Variants in ARHGAP39 observed in about 807,000 individuals in gnomAD.
The protein encoded by ARHGAP39 is Rho GTPase activating protein 39, also known as rho GTPase-activating protein 39.
Under a neutral mutation model 106.9 loss-of-function variants are expected in ARHGAP39, and 44 were observed. The observed-to-expected ratio is 0.41, with a 90% confidence interval of 0.32 to 0.53. The LOEUF (loss-of-function observed/expected upper bound fraction) is 0.53, where lower values mean the gene tolerates loss of function less well. Among genes scored for constraint, ARHGAP39 ranks in the 20% least tolerant of loss-of-function variants. The pLI, the probability that ARHGAP39 is intolerant of heterozygous loss-of-function variation, is 0.21. For synonymous variants in ARHGAP39, 768 were observed against 693.2 expected, an observed-to-expected ratio of 1.11 and a Z score of -1.69; for missense variants, 1,496 against 1,577.3, an observed-to-expected ratio of 0.95 and a Z score of 0.87.
intron 1 of ARHGAP39, among the ~76,000 whole-genome samples, chr8:144,618,786 G>A (rs1260192830): frequency 6.6e-6 from 1 of 152,250 alleles, no homozygotes; most frequent in Non-Finnish European, 1.5e-5. Flanking sequence ...AAGTCCTGCT[G>A]GGGCCTCCCC....
intron 1 of ARHGAP39, among the ~76,000 whole-genome samples, chr8:144,627,487 G>A (rs1250727283): frequency 1.3e-5 from 2 of 149,858 alleles, no homozygotes; most frequent in Non-Finnish European, 3.0e-5. Context: ...CCTGGGAGGC[G>A]GAGCTTGCAG....
Position 144,591,640 on chromosome 8 carries a change from G to C in ARHGAP39, c.81-10363C>G, listed in dbSNP as rs575123272. Among the ~76,000 whole-genome samples the C allele has an allele frequency of 2.0e-5, 3 of 152,326 alleles. No individual in the cohort carries two copies. Among genetic ancestry groups the C allele is most frequent in the East Asian group, 3.9e-4 (2 of 5,180 alleles). ...GCGTGCCAGAAGAGAGGCGAGGGGT[G>C]GGGGAGCAGAGGCGAGGAAGGGCAA... is the stretch of plus-strand genomic sequence containing the variant. On this transcript the variant is annotated intron_variant, in intron 2 of 11. Coordinates refer to ENST00000377307, the MANE Select transcript of ARHGAP39 (RefSeq NM_025251.3). The surrounding 1 kb of genome is among the most constrained non-coding windows in gnomAD (Gnocchi z 5.3).
intron 3 of ARHGAP39, among the ~76,000 whole-genome samples, chr8:144,571,233 A>G (rs527775058): frequency 1.3e-5 from 2 of 152,236 alleles, no homozygotes; most frequent in Non-Finnish European, 2.9e-5. Flanking sequence ...GAAAATCCTC[A>G]ATAAAATACT....
rs145153558 is a variant in ARHGAP39, at chr8:144,605,900, C to T, written c.-81-205G>A. ...GCAGCGAAGCCTGGCCAGCCCCACA[C>T]GCAGCAGGGAGGCTGTGCCCACCAG... On this transcript the variant is annotated intron_variant, in intron 1 of 11. Coordinates refer to ENST00000377307, the MANE Select transcript of ARHGAP39 (RefSeq NM_025251.3). 9.9e-4 allele frequency: 462 copies of T among 467,380 alleles called. 2 individuals are homozygous for T. Among genetic ancestry groups the T allele is most frequent in the African/African-American group, 7.9e-3 (401 of 50,890 alleles). The allele number at this position is 467,380 out of a possible 1,614,324, so 29.0% of individuals were successfully genotyped here. A position where few individuals can be genotyped will look rare whatever the true frequency, so the allele number is the denominator to read the frequency against.
the ARHGAP39 span, among the ~76,000 whole-genome samples, chr8:144,696,568 A>G: frequency 6.6e-6 from 1 of 152,250 alleles, no homozygotes; most frequent in Non-Finnish European, 1.5e-5. Flanking sequence ...ACGGTTACAA[A>G]GGATTCCGCT....
At chr8:144,575,921 A>C (rs1380393043) in intron 3 of ARHGAP39, among the ~76,000 whole-genome samples, 1 of 152,218 alleles carries the variant, frequency 6.6e-6, no homozygotes, top group Non-Finnish European at 1.5e-5. Context: ...ATAATCTATG[A>C]GACCACTCTC....
intron 1 of ARHGAP39, among the ~76,000 whole-genome samples, chr8:144,629,880 C>T (rs1033526928): frequency 6.6e-5 from 10 of 152,036 alleles, no homozygotes; most frequent in African/African-American, 2.2e-4. Flanking sequence ...GGGGCACATC[C>T]TGAGGGATGG....
intron 3 of ARHGAP39, among the ~76,000 whole-genome samples, chr8:144,560,681 G>A (rs770603685): frequency 2.8e-4 from 43 of 152,158 alleles, no homozygotes; most frequent in African/African-American, 9.4e-4. Context: ...TTATGCTCTC[G>A]AGGACCAGCG....
At chr8:144,600,619 T>C (rs530594917) in intron 2 of ARHGAP39, among the ~76,000 whole-genome samples, 4 of 144,380 alleles carry the variant, frequency 2.8e-5, no homozygotes, top group Admixed American at 2.1e-4. Flanking sequence ...GAGGCGTGCG[T>C]GCGCACTTGG....
intron 2 of ARHGAP39, among the ~76,000 whole-genome samples, chr8:144,598,753 G>A (rs1280336581): frequency 6.6e-6 from 1 of 152,214 alleles, no homozygotes; most frequent in African/African-American, 2.4e-5. Flanking sequence ...CTAAAACACA[G>A]AGGCACTGAA....
intron 1 of ARHGAP39, among the ~76,000 whole-genome samples, chr8:144,613,734 T>G (rs951662876): frequency 2.6e-5 from 4 of 152,154 alleles, no homozygotes; most frequent in African/African-American, 7.2e-5. Flanking sequence ...CTTAAGATGG[T>G]CAGATCATGT....
At chr8:144,613,426 T>C (rs1396535697) in intron 1 of ARHGAP39, among the ~76,000 whole-genome samples, 4 of 152,202 alleles carry the variant, frequency 2.6e-5, no homozygotes, top group African/African-American at 9.6e-5. Flanking sequence ...CTGTTGTGTG[T>C]TTGGAAACAT....
chr8:144,679,664 C>A lies in ARHGAP39; in HGVS notation c.-82+6022G>T, dbSNP rs1007535815. 1.3e-5 allele frequency among the ~76,000 whole-genome samples: 2 copies of A among 152,196 alleles called. No homozygotes were observed. Among genetic ancestry groups the A allele is most frequent in the Admixed American group, 1.3e-4 (2 of 15,282 alleles). ...CATCCCCTGCTCACAAAGCTGCCTG[C>A]GGTGGCTCCCGGTTAGCTAGAAAAT... On this transcript the variant is annotated intron_variant, in intron 1 of 11. Coordinates refer to ENST00000377307, the MANE Select transcript of ARHGAP39 (RefSeq NM_025251.3). This position sits in a 1 kb window ranked among gnomAD's most constrained non-coding sequence, Gnocchi z 4.7.
chr8:144,562,822 TCA>T (rs1013229686), intron 3 of ARHGAP39, among the ~76,000 whole-genome samples: 2 of 151,740 alleles, frequency 1.3e-5, no homozygotes, highest in African/African-American at 2.4e-5. Context: ...GTGGTTTCCA[TCA>T]CACTCCAGTG....
chr8:144,651,987 A>G (rs1044328800), intron 1 of ARHGAP39, among the ~76,000 whole-genome samples: 4 of 152,214 alleles, frequency 2.6e-5, no homozygotes, highest in Admixed American at 1.3e-4. Flanking sequence ...CAACCTAGGC[A>G]ATACCATCCT....
At chr8:144,692,722 G>A in the ARHGAP39 span, among the ~76,000 whole-genome samples, 1 of 145,026 alleles carries the variant, frequency 6.9e-6, no homozygotes, top group East Asian at 2.1e-4. Context: ...ACACTAGGAA[G>A]AGAAGAAAAT....
Position 144,529,300 on chromosome 8 carries a change from A to T in ARHGAP39, c.*1122T>A. On this transcript the variant is annotated 3_prime_UTR_variant, in exon 12 of 12. Transcript: ENST00000377307. ...GACCACCCGACTGAGGACGCCGCCCAGGCCTCGGCAGGGCTGGGGCTTTTG... is the reference window on the plus strand; with the variant it reads ...GACCACCCGACTGAGGACGCCGCCCTGGCCTCGGCAGGGCTGGGGCTTTTG... 1 of 187,790 alleles carries T rather than the reference A, an allele frequency of 5.3e-6. No homozygotes were observed. The highest frequency in any genetic ancestry group is 1.1e-5 in the Non-Finnish European group (1 of 92,014). 11.6% of individuals were successfully genotyped at this position (187,790 alleles called of 1,614,324 possible).
chr8:144,531,242 CAGGGCAG>C lies in ARHGAP39; in HGVS notation c.2981-378_2981-372del, dbSNP rs1816708455. ...ACATAGCAGGCACGGCAGAAGGGCA[CAGGGCAG>C]CGAGCAGCAGGTGGGGAGTGGGCTA... On this transcript the variant is annotated intron_variant, in intron 10 of 11. Transcript: ENST00000377307. Among the ~76,000 whole-genome samples the C allele has an allele frequency of 3.3e-4, 4 of 12,166 alleles. 1 individual carries two copies. Among genetic ancestry groups the C allele is most frequent in the East Asian group, 2.5e-3 (2 of 798 alleles). 8.0% of individuals were successfully genotyped at this position (12,166 alleles called of 152,430 possible).
At chr8:144,627,893 TGC>T (rs1820965774) in intron 1 of ARHGAP39, among the ~76,000 whole-genome samples, 1 of 152,224 alleles carries the variant, frequency 6.6e-6, no homozygotes, top group Non-Finnish European at 1.5e-5. Flanking sequence ...GCACTCCGAC[TGC>T]TGGCTCTGGA....
Sources: gnomAD v4.1 joint callset for allele counts (sites outside exome capture counted in the v4.1 genomes callset) on GRCh38, gnomAD v4.1.1 for gene constraint, Gnocchi (gnomAD v3.1) non-coding constraint, MANE v1.5 for transcripts, NCBI Gene and HGNC (gene_info 2026-07-23, HGNC 2026-07-21) for gene names.